Variants in MAP2 observed in about 807,000 individuals in gnomAD.
MAP2 encodes the protein microtubule associated protein 2, also known as microtubule-associated protein 2.
Under a neutral mutation model 137.6 loss-of-function variants are expected in MAP2, and 14 were observed. That is an observed-to-expected ratio of 0.10 (90% CI 0.07 to 0.16). The LOEUF (loss-of-function observed/expected upper bound fraction) is 0.16. MAP2 is among the 10% of genes least tolerant of loss of function. The pLI is 1.00. For synonymous variants in MAP2, 786 were observed against 782.3 expected (o/e 1.00, Z -0.08); for missense variants, 2,088 against 2,191.5 (o/e 0.95, Z 0.94).
At chr2:209,663,189 C>A (rs1037163520) in intron 5 of MAP2, among the ~76,000 whole-genome samples, 2 of 152,118 alleles carry the variant, frequency 1.3e-5, no homozygotes, top group Admixed American at 6.5e-5. Flanking sequence ...GTGTGTCAAG[C>A]CTTTTTCTCT....
At chr2:209,575,210 CAT>C (rs2075107984) in intron 2 of MAP2, among the ~76,000 whole-genome samples, 1 of 151,974 alleles carries the variant, frequency 6.6e-6, no homozygotes, top group African/African-American at 2.4e-5. Flanking sequence ...AATTATAAAA[CAT>C]ATTGATTACA....
chr2:209,540,630 C>CAAAAA (rs749183996), intron 2 of MAP2, among the ~76,000 whole-genome samples: 495 of 27,516 alleles, frequency 0.018, 55 homozygotes, highest in Non-Finnish European at 0.022. Flanking sequence ...GACTCCGTCT[C>CAAAAA]AAAAAAAAAA....
chr2:209,550,171 T>G (rs573311596), intron 2 of MAP2, among the ~76,000 whole-genome samples: 1 of 152,306 alleles, frequency 6.6e-6, no homozygotes, highest in South Asian at 2.1e-4. Flanking sequence ...GTGATTGCTC[T>G]TGGTATAAGA....
chr2:209,434,814 C>CCTCTCTCT lies in MAP2; in HGVS notation c.-222+10551_-222+10558dup, dbSNP rs58596249. On this transcript the variant is annotated intron_variant, in intron 1 of 15. Transcript: ENST00000682079. Reference sequence around the variant, plus strand: ...TCCAGCCTGCATGACAGAGCCAGATCCTCTCTCTCTCTCTCTCTCTATATA... The same window carrying CCTCTCTCT: ...TCCAGCCTGCATGACAGAGCCAGATCCTCTCTCTCTCTCTCTCTCTCTCTCTCTATATA... 7.1e-4 allele frequency among the ~76,000 whole-genome samples: 73 copies of CCTCTCTCT among 103,276 alleles called. 4 individuals are homozygous for CCTCTCTCT. The highest frequency in any genetic ancestry group is 1.5e-3 in the East Asian group (6 of 3,916). 67.8% of individuals were successfully genotyped at this position (103,276 alleles called of 152,430 possible).
intron 2 of MAP2, among the ~76,000 whole-genome samples, chr2:209,531,483 TA>T (rs1405212226): frequency 1.3e-5 from 2 of 152,238 alleles, no homozygotes; most frequent in Admixed American, 1.3e-4. Flanking sequence ...CAGACTTTCA[TA>T]AAACAAGTTA....
chr2:209,428,038 TA>T lies in MAP2; in HGVS notation c.-222+3763del, dbSNP rs376216307. Among the ~76,000 whole-genome samples the T allele has an allele frequency of 1.2e-4, 18 of 152,326 alleles. No individual in the cohort carries two copies. In the East Asian group the frequency reaches 1.7e-3, roughly 15 times the overall value. On this transcript the variant is annotated intron_variant, in intron 1 of 15. Coordinates refer to ENST00000682079, the MANE Select transcript of MAP2 (RefSeq NM_001375505.1). ...TTGAACTAAGGCCATGGTGCTTCCT[TA>T]TAAAAATTATACAGTATGTTTATTG...
At chr2:209,669,574 T>C (rs923021304) in intron 5 of MAP2, among the ~76,000 whole-genome samples, 1 of 152,048 alleles carries the variant, frequency 6.6e-6, no homozygotes, top group African/African-American at 2.4e-5. Flanking sequence ...TGACATCCTT[T>C]TAGAATGTAG....
chr2:209,599,308 T>C (rs2082305015), intron 3 of MAP2, among the ~76,000 whole-genome samples: 1 of 152,028 alleles, frequency 6.6e-6, no homozygotes, highest in South Asian at 2.1e-4. Context: ...TGTTTTTTTC[T>C]TGTAAATTTG....
chr2:209,616,243 G>A (rs1016417006), intron 3 of MAP2, among the ~76,000 whole-genome samples: 1 of 152,148 alleles, frequency 6.6e-6, no homozygotes, highest in Non-Finnish European at 1.5e-5. Flanking sequence ...TCACTGGCCC[G>A]GGGTCCCCAG....
chr2:209,529,893 C>G (rs2064833262), intron 2 of MAP2, among the ~76,000 whole-genome samples: 1 of 103,516 alleles, frequency 9.7e-6, no homozygotes, highest in South Asian at 3.6e-4. Context: ...TTTCTTCTTC[C>G]CCACCCGCCC....
intron 1 of MAP2, among the ~76,000 whole-genome samples, chr2:209,431,567 C>G (rs1312123715): frequency 1.3e-5 from 2 of 152,024 alleles, no homozygotes; most frequent in Admixed American, 6.6e-5. Flanking sequence ...TGTTGTGAAC[C>G]TGTGGAGTAC....
chr2:209,598,716 C>T (rs1165867942), intron 3 of MAP2, among the ~76,000 whole-genome samples: 1 of 150,792 alleles, frequency 6.6e-6, no homozygotes, highest in African/African-American at 2.4e-5. Flanking sequence ...TTTGTTCTTG[C>T]AATAGTTTAC....
At chr2:209,434,202 C>G (rs1056967004) in intron 1 of MAP2, among the ~76,000 whole-genome samples, 1 of 151,958 alleles carries the variant, frequency 6.6e-6, no homozygotes, top group African/African-American at 2.4e-5. Flanking sequence ...GTGTAATGCT[C>G]TGTTGAGTTT....
At position 209,697,064 on chromosome 2, in the gene MAP2, T is replaced by A. The variant is rs1439366616; in HGVS notation, c.4522+13T>A. On this transcript the variant is annotated intron_variant, in intron 10 of 15. Coordinates refer to ENST00000682079, the MANE Select transcript of MAP2 (RefSeq NM_001375505.1). ...CGGAAAACCACAGGTGACTGTTCAA[T>A]TCTGCAATGTGACTGGCAAACATAG... is the stretch of plus-strand genomic sequence containing the variant. The A allele has an allele frequency of 6.4e-7, 1 of 1,572,378 alleles. No individual in the cohort carries two copies. The highest frequency in any genetic ancestry group is 2.1e-5 in the Admixed American group (1 of 48,176).
In MAP2 at chr2:209,693,923, A is replaced by C; in HGVS notation, c.1753A>C (p.Ser585Arg). ...TGCCTTGAAAGAAGAAGCAACAAAA[A>C]GCATTGAGCCAGGCAGTGATTACTA... ...TSALKEEATK[S>R]IEPGSDYYEL... Residue 585 changes from serine (S) to arginine (R), a missense_variant, in exon 8 of 16, where the codon AGC (serine) becomes CGC (arginine). Coordinates refer to ENST00000682079, the MANE Select transcript of MAP2 (RefSeq NM_001375505.1). 6.2e-7 allele frequency: 1 copy of C among 1,611,758 alleles called. No individual in the cohort carries two copies. The highest frequency in any genetic ancestry group is 1.3e-5 in the African/African-American group (1 of 74,822).
chr2:209,489,471 A>T (rs936951556), intron 1 of MAP2, among the ~76,000 whole-genome samples: 4 of 152,190 alleles, frequency 2.6e-5, no homozygotes, highest in African/African-American at 9.7e-5. Flanking sequence ...AGGCTTCAGA[A>T]GGTGGGTAAT....
intron 2 of MAP2, among the ~76,000 whole-genome samples, chr2:209,545,353 G>T (rs1254254310): frequency 6.6e-6 from 1 of 151,930 alleles, no homozygotes; most frequent in African/African-American, 2.4e-5. Context: ...TGCACTATTG[G>T]GTCTCTAAAC....
At chr2:209,619,407 TC>T (rs1358240374) in intron 3 of MAP2, among the ~76,000 whole-genome samples, 2 of 152,132 alleles carry the variant, frequency 1.3e-5, no homozygotes, top group Non-Finnish European at 2.9e-5. Context: ...TATAATTTTA[TC>T]TGCTAATTGA....
intron 3 of MAP2, among the ~76,000 whole-genome samples, chr2:209,606,516 C>T (rs1325431970): frequency 6.6e-6 from 1 of 151,508 alleles, no homozygotes; most frequent in Admixed American, 6.6e-5. Flanking sequence ...ATAGAGTAAA[C>T]CTTGTCTCAA....
Sources: allele counts gnomAD v4.1 joint callset (sites outside exome capture counted in the v4.1 genomes callset), GRCh38; gene constraint gnomAD v4.1.1; transcripts MANE v1.5; gene names NCBI Gene and HGNC (gene_info 2026-07-23, HGNC 2026-07-21).